The following PCLO variants were observed in gnomAD, a reference collection of about 807,000 sequenced individuals.
The protein encoded by PCLO is protein piccolo.
Under a neutral mutation model 427.5 loss-of-function variants are expected in PCLO, and 82 were observed. The observed-to-expected ratio is 0.19, with a 90% CI of 0.16 to 0.23. The LOEUF (loss-of-function observed/expected upper bound fraction) is 0.23, where lower values mean the gene tolerates loss of function less well. Ranked by LOEUF, PCLO falls within the 10% of genes least tolerant of loss-of-function variation. The pLI is 1.00. For synonymous variants in PCLO, 2,357 were observed against 2,155.4 expected, an observed-to-expected ratio of 1.09 and a Z score of -2.59; for missense variants, 6,239 against 6,115.9, an observed-to-expected ratio of 1.02 and a Z score of -0.67.
At chr7:83,010,891 T>C (rs562776918) in intron 3 of PCLO, among the ~76,000 whole-genome samples, 1 of 152,052 alleles carries the variant, frequency 6.6e-6, no homozygotes, top group Non-Finnish European at 1.5e-5. Context: ...TCTATCACCA[T>C]ACTCTCTTGC....
intron 3 of PCLO, among the ~76,000 whole-genome samples, chr7:83,074,219 C>T (rs1360730223): frequency 6.6e-6 from 1 of 151,752 alleles, no homozygotes; most frequent in African/African-American, 2.4e-5. Context: ...AAGGTTCATT[C>T]AGGCCAGGAA....
chr7:82,961,322 G>A (rs143944154), intron 4 of PCLO, among the ~76,000 whole-genome samples: 72 of 152,252 alleles, frequency 4.7e-4, no homozygotes, highest in East Asian at 2.9e-3. Context: ...ATCAGTGCAC[G>A]TAGAAAAACT....
chr7:82,989,117 C>T (rs1024816518), intron 3 of PCLO, among the ~76,000 whole-genome samples: 50 of 152,194 alleles, frequency 3.3e-4, no homozygotes, highest in African/African-American at 1.2e-3. Flanking sequence ...AGCCACTGCG[C>T]TTGGCCAAGG....
chr7:82,761,368 G>A lies in PCLO; in HGVS notation c.15133C>T (p.His5045Tyr), dbSNP rs747790550. The change falls in exon 23 of 25, where the codon CAT becomes TAT. Residue 5045 changes from histidine to tyrosine, a missense_variant. His to Tyr is a moderately conservative substitution (Grantham distance 83). This residue lies in a region of PCLO where 877 missense variants were observed against 925.5 expected (regional missense o/e 0.95). Transcript: ENST00000333891. ...NITYKFKSPD[H>Y]LPDLYVKIYV... is the part of the protein sequence containing the mutation. Reference sequence around the variant, plus strand: ...TAATAGAATTAGATACCTGGTAGATGATCAGGAGACTTAAATTTGTATGTA... The same window carrying A: ...TAATAGAATTAGATACCTGGTAGATAATCAGGAGACTTAAATTTGTATGTA... 4.1e-6 allele frequency: 6 copies of A among 1,462,170 alleles called. No homozygotes were observed. The highest frequency in any genetic ancestry group is 1.9e-6 in the Non-Finnish European group (2 of 1,064,856). 90.6% of individuals were successfully genotyped at this position (1,462,170 alleles called of 1,614,324 possible). A position where few individuals can be genotyped will look rare whatever the true frequency, so the allele number is the denominator to read the frequency against.
At chr7:82,897,605 T>C (rs1479326603) in intron 9 of PCLO, among the ~76,000 whole-genome samples, 5 of 151,436 alleles carry the variant, frequency 3.3e-5, no homozygotes, top group Admixed American at 3.3e-4. Context: ...TCCTACTAAA[T>C]TGTTAGTACG....
intron 9 of PCLO, chr7:82,879,811 A>G (rs1793458914): frequency 4.4e-6 from 2 of 450,980 alleles, no homozygotes; most frequent in Non-Finnish European, 8.7e-6. Flanking sequence ...TATGAGACTA[A>G]GGAACATTTT....
intron 3 of PCLO, among the ~76,000 whole-genome samples, chr7:82,973,173 G>A (rs1795943218): frequency 6.6e-6 from 1 of 152,064 alleles, no homozygotes; most frequent in Non-Finnish European, 1.5e-5. Context: ...TCCTGAGACT[G>A]CAGTTTATAA....
rs1791699838 is a variant in PCLO, at chr7:83,135,417, G to A, written c.2133C>T (p.Thr711=). The A allele has an allele frequency of 2.5e-6, 4 of 1,613,896 alleles. No individual in the cohort carries two copies. The East Asian group carries it at 8.9e-5, about 36-fold the overall frequency. ...KKPPPLVKQP[T]LHGSPSAKAK... is the part of the protein sequence containing the mutation. Reference sequence around the variant, plus strand: ...CCTTGGCTGAAGGAGAGCCATGAAGGGTTGGTTGTTTCACTAGTGGTGGTG... The same window carrying A: ...CCTTGGCTGAAGGAGAGCCATGAAGAGTTGGTTGTTTCACTAGTGGTGGTG... The change falls in exon 3 of 25, where the codon ACC becomes ACT. Residue 711 remains threonine (T), a synonymous_variant. Transcript: ENST00000333891.
chr7:82,794,382 G>GT lies in PCLO; in HGVS notation c.15007+7135dup, dbSNP rs910386310. On this transcript the variant is annotated intron_variant, in intron 22 of 24. Coordinates refer to ENST00000333891, the MANE Select transcript of PCLO (RefSeq NM_033026.6). ...CTTAATTGTTTTTTAATAATTATAA[G>GT]TTTTTTTGTTGTTATTGCTAATTTC... is the stretch of plus-strand genomic sequence containing the variant. Among the ~76,000 whole-genome samples the GT allele has an allele frequency of 4.9e-4, 66 of 134,732 alleles. 1 individual carries two copies. The highest frequency in any genetic ancestry group is 2.9e-3 in the Admixed American group (38 of 13,272). The allele number at this position is 134,732 out of a possible 152,430, so 88.4% of individuals were successfully genotyped here.
At chr7:82,789,917 G>C (rs1791066370) in intron 22 of PCLO, among the ~76,000 whole-genome samples, 1 of 151,998 alleles carries the variant, frequency 6.6e-6, no homozygotes, top group South Asian at 2.1e-4. Context: ...TTTCTTTTCT[G>C]TTTAATCTTT....
intron 3 of PCLO, among the ~76,000 whole-genome samples, chr7:82,978,230 A>T (rs1796066652): frequency 6.6e-6 from 1 of 151,326 alleles, no homozygotes; most frequent in Non-Finnish European, 1.5e-5. Flanking sequence ...TACTCTCTTC[A>T]CCAGGAAAGT....
intron 6 of PCLO, among the ~76,000 whole-genome samples, chr7:82,940,242 G>C (rs1276741742): frequency 1.3e-5 from 2 of 152,006 alleles, no homozygotes; most frequent in Admixed American, 6.6e-5. Flanking sequence ...ACCAGTAGAG[G>C]TTTTTCTAAA....
At chr7:82,825,861 T>C (rs927869128) in intron 18 of PCLO, among the ~76,000 whole-genome samples, 1 of 148,282 alleles carries the variant, frequency 6.7e-6, no homozygotes, top group African/African-American at 2.4e-5. Context: ...TGTATATATA[T>C]ACACAATGTG....
chr7:82,954,947 A>G lies in PCLO; in HGVS notation c.6006T>C (p.Asp2002=), dbSNP rs763298532. The change falls in exon 5 of 25, where the codon GAT becomes GAC. Residue 2002 remains aspartate (D), a synonymous_variant. Coordinates refer to ENST00000333891, the MANE Select transcript of PCLO (RefSeq NM_033026.6). ...KIRLSEQIYE[D]PMQKITDLQK... ...GGAGGTCTGTAATTTTCTGCATAGG[A>G]TCTTCATAAATCTGTTCTGAAAGTC... The G allele has an allele frequency of 1.2e-6, 2 of 1,613,694 alleles. No individual in the cohort carries two copies. Among genetic ancestry groups the G allele is most frequent in the African/African-American group, 1.3e-5 (1 of 74,984 alleles).
rs1370079274 is a variant in PCLO at position 82,878,559 on chromosome 7, T to C, written c.13654+778A>G. On this transcript the variant is annotated intron_variant, in intron 10 of 24. Coordinates refer to ENST00000333891, the MANE Select transcript of PCLO (RefSeq NM_033026.6). ...AATGGAAATGACCATACTATCTGATTGACAATTGAAAATTTTCATTATGTA... is the reference window on the plus strand; with the variant it reads ...AATGGAAATGACCATACTATCTGATCGACAATTGAAAATTTTCATTATGTA... Among the ~76,000 whole-genome samples, 25 of 152,196 alleles carry C rather than the reference T, an allele frequency of 1.6e-4. 1 individual carries two copies. The highest frequency in any genetic ancestry group is 1.6e-3 in the Admixed American group (25 of 15,272).
intron 3 of PCLO, among the ~76,000 whole-genome samples, chr7:83,054,157 T>A (rs1789320951): frequency 6.6e-6 from 1 of 152,040 alleles, no homozygotes; most frequent in South Asian, 2.1e-4. Context: ...TGTTCACAAG[T>A]TCAGGTAAAA....
chr7:82,957,947 G>C (rs1425338351), intron 4 of PCLO, among the ~76,000 whole-genome samples: 1 of 152,144 alleles, frequency 6.6e-6, no homozygotes, highest in Non-Finnish European at 1.5e-5. Flanking sequence ...AAGAATCAGA[G>C]AGGCCTTAAA....
At chr7:82,779,515 A>C (rs28501293) in intron 22 of PCLO, among the ~76,000 whole-genome samples, 3,758 of 152,174 alleles carry the variant, frequency 0.025, 169 homozygotes, top group African/African-American at 0.086. Flanking sequence ...TGTGTTTTTC[A>C]AATTCCTTTT....
intron 3 of PCLO, among the ~76,000 whole-genome samples, chr7:83,059,294 A>T (rs1176091816): frequency 7.1e-6 from 1 of 141,180 alleles, no homozygotes; most frequent in Non-Finnish European, 1.5e-5. Flanking sequence ...TATAAAATCA[A>T]ATATATATAT....
Sources: gnomAD v4.1 joint callset for allele counts (sites outside exome capture counted in the v4.1 genomes callset) on GRCh38, gnomAD v4.1.1 for gene constraint, gnomAD v4.1.1 regional missense constraint, MANE v1.5 for transcripts, NCBI Gene and HGNC (gene_info 2026-07-23, HGNC 2026-07-21) for gene names.